Variants in LARGE1 observed in about 807,000 individuals in gnomAD.
LARGE1 encodes the protein xylosyl- and glucuronyltransferase LARGE1.
Under a neutral mutation model 87.6 loss-of-function variants are expected in LARGE1, and 43 were observed. The observed-to-expected ratio is 0.49, with a 90% CI of 0.38 to 0.63. The LOEUF is 0.63. Among genes scored for constraint, LARGE1 ranks in the 30% least tolerant of loss-of-function variants. The pLI is 0.00. For synonymous variants in LARGE1, 434 were observed against 394.6 expected (o/e 1.10, Z -1.18); for missense variants, 802 against 1,000.2 (o/e 0.80, Z 2.67).
intron 2 of LARGE1, among the ~76,000 whole-genome samples, chr22:33,680,665 A>AT (rs1462984896): frequency 6.6e-6 from 1 of 152,200 alleles, no homozygotes; most frequent in Non-Finnish European, 1.5e-5. Flanking sequence ...AAGGCCGCCC[A>AT]TGAGTGTGAA....
chr22:33,541,201 G>GAAAAGA (rs146316421), intron 6 of LARGE1, among the ~76,000 whole-genome samples: 2 of 133,714 alleles, frequency 1.5e-5, no homozygotes, highest in African/African-American at 5.6e-5. Flanking sequence ...GGGAAAAAAA[G>GAAAAGA]AAAAAAAAAA....
chr22:33,826,228 G>A (rs1601709978), intron 1 of LARGE1, among the ~76,000 whole-genome samples: 1 of 152,036 alleles, frequency 6.6e-6, no homozygotes, highest in Admixed American at 6.6e-5. Flanking sequence ...TCTATTACTC[G>A]ACTCTTGCAG....
chr22:33,913,128 G>A (rs765676388), intron 1 of LARGE1, among the ~76,000 whole-genome samples: 13 of 152,090 alleles, frequency 8.5e-5, no homozygotes, highest in Non-Finnish European at 1.2e-4. Context: ...CACCAAGCCC[G>A]GCCTGATTTT....
At chr22:33,085,868 G>A in the LARGE1 span, among the ~76,000 whole-genome samples, 1 of 152,064 alleles carries the variant, frequency 6.6e-6, no homozygotes, top group Non-Finnish European at 1.5e-5. Context: ...TCTTTGATTT[G>A]GTGAATTTTG....
chr22:33,841,170 C>T (rs900002953), intron 1 of LARGE1, among the ~76,000 whole-genome samples: 13 of 152,128 alleles, frequency 8.5e-5, no homozygotes, highest in African/African-American at 2.2e-4. Context: ...TTTCAACTTA[C>T]GATGGGTTTA....
chr22:33,757,062 C>T (rs1396848075), intron 2 of LARGE1, among the ~76,000 whole-genome samples: 1 of 152,132 alleles, frequency 6.6e-6, no homozygotes, highest in Non-Finnish European at 1.5e-5. Flanking sequence ...GGGGTTAACG[C>T]ACTAACAAAA....
At chr22:33,522,945 C>T (rs1472288979) in intron 6 of LARGE1, among the ~76,000 whole-genome samples, 1 of 152,010 alleles carries the variant, frequency 6.6e-6, no homozygotes, top group African/African-American at 2.4e-5. Context: ...GAGGTAGAGG[C>T]TGCGGTGAGC....
intron 9 of LARGE1, among the ~76,000 whole-genome samples, chr22:33,367,425 T>A (rs1206460041): frequency 6.6e-6 from 1 of 152,188 alleles, no homozygotes; most frequent in East Asian, 1.9e-4. Context: ...TTCTGTTGTG[T>A]TTTGTTTTTA....
intron 6 of LARGE1, among the ~76,000 whole-genome samples, chr22:33,545,221 C>T (rs2077323294): frequency 6.7e-6 from 1 of 150,260 alleles, no homozygotes; most frequent in African/African-American, 2.4e-5. Context: ...AATCTTTTTT[C>T]TTTTGTACTA....
At chr22:33,341,702 C>T (rs930811070) in intron 9 of LARGE1, among the ~76,000 whole-genome samples, 4 of 152,132 alleles carry the variant, frequency 2.6e-5, no homozygotes, top group East Asian at 1.9e-4. Flanking sequence ...TCAGACCAGC[C>T]GAGGTCTGAA....
rs1473685827 is a variant in LARGE1 at position 33,351,864 on chromosome 22, GA to G, written c.1132-14064del. 5.9e-5 allele frequency among the ~76,000 whole-genome samples: 9 copies of G among 151,672 alleles called. No homozygotes were observed. In the East Asian group the frequency reaches 1.6e-3, roughly 26 times the overall value. ...AGCGATTCTCCTGCCTCAGCCTCCC[GA>G]GTAGCTGGGATTACATGTGCGCGCC... On this transcript the variant is annotated intron_variant, in intron 9 of 14. Transcript: ENST00000397394.
At chr22:33,271,013 T>TA (rs1928214382), downstream of LARGE1, among the ~76,000 whole-genome samples, 2 of 152,204 alleles carry the variant, frequency 1.3e-5, no homozygotes. Flanking sequence ...TACTATCCCC[T>TA]AGAGTGGAAC....
the LARGE1 span, among the ~76,000 whole-genome samples, chr22:33,102,964 A>G: frequency 9.9e-5 from 15 of 152,216 alleles, no homozygotes; most frequent in East Asian, 2.9e-3. Context: ...CTTCCTTCAT[A>G]GAAAGGATCT....
intron 13 of LARGE1, among the ~76,000 whole-genome samples, chr22:33,282,772 A>T (rs142517396): frequency 2.6e-5 from 4 of 152,206 alleles, no homozygotes; most frequent in Non-Finnish European, 5.9e-5. Context: ...TCATACCACA[A>T]ATAAAAAGGA....
the LARGE1 span, among the ~76,000 whole-genome samples, chr22:33,124,766 C>A: frequency 6.8e-4 from 104 of 152,296 alleles, no homozygotes; most frequent in African/African-American, 2.4e-3. Context: ...CTTTGGGAAG[C>A]CCAGGCAGGA....
chr22:33,134,255 CTT>C, the LARGE1 span, among the ~76,000 whole-genome samples: 11,239 of 123,824 alleles, frequency 0.091, 250 homozygotes, highest in South Asian at 0.18. Context: ...AAAGAACTCC[CTT>C]TTTTTTTTTT....
chr22:33,574,976 T>G (rs2078310733), intron 5 of LARGE1, among the ~76,000 whole-genome samples: 1 of 152,112 alleles, frequency 6.6e-6, no homozygotes, highest in South Asian at 2.1e-4. Context: ...GAGGAAAGAT[T>G]AACAGAAGGC....
the LARGE1 span, among the ~76,000 whole-genome samples, chr22:33,096,834 G>A: frequency 4.3e-3 from 653 of 152,232 alleles, 6 homozygotes; most frequent in Admixed American, 6.1e-3. Flanking sequence ...CAAAGTGCTG[G>A]GATTACAGGC....
At chr22:33,474,935 T>C (rs578015012) in intron 6 of LARGE1, among the ~76,000 whole-genome samples, 1 of 152,220 alleles carries the variant, frequency 6.6e-6, no homozygotes, top group South Asian at 2.1e-4. Context: ...AGAAGAGAGC[T>C]GAAGTGAGAG....
Sources: gnomAD v4.1 joint callset for allele counts (sites outside exome capture counted in the v4.1 genomes callset) on GRCh38, gnomAD v4.1.1 for gene constraint, MANE v1.5 for transcripts, NCBI Gene and HGNC (gene_info 2026-07-23, HGNC 2026-07-21) for gene names.